The following RWDD2A variants were observed in gnomAD, a reference collection of about 807,000 sequenced individuals.
RWDD2A encodes RWD domain containing 2A.
Under a neutral mutation model 23.1 loss-of-function variants are expected in RWDD2A, and 15 were observed. That is an observed-to-expected ratio of 0.65 (90% CI 0.43 to 1.00). The LOEUF (loss-of-function observed/expected upper bound fraction) is 1.00. Ranked by LOEUF, RWDD2A falls within the 50% of genes least tolerant of loss-of-function variation. The pLI is 0.00. For synonymous variants in RWDD2A, 103 were observed against 123.0 expected, an observed-to-expected ratio of 0.84 and a Z score of 1.08; for missense variants, 310 against 341.7, an observed-to-expected ratio of 0.91 and a Z score of 0.73.
At position 83,193,394 on chromosome 6, in the gene RWDD2A, T is replaced by C. The variant is rs1239262221; in HGVS notation, c.-190T>C. On this transcript the variant is annotated 5_prime_UTR_variant, in exon 1 of 3. Transcript: ENST00000369724. ...CAGCTGGCGCCTGAGGAACTGCGGCTGCGGTTCCGAGCGGGGTCTGGGGCT... is the reference window on the plus strand; with the variant it reads ...CAGCTGGCGCCTGAGGAACTGCGGCCGCGGTTCCGAGCGGGGTCTGGGGCT... The C allele has an allele frequency of 6.6e-6, 1 of 152,274 alleles. No individual in the cohort carries two copies. The highest frequency in any genetic ancestry group is 1.5e-5 in the Non-Finnish European group (1 of 68,086). The allele number at this position is 152,274 out of a possible 1,614,324, so 9.4% of individuals were successfully genotyped here. A position where few individuals can be genotyped will look rare whatever the true frequency, so the allele number is the denominator to read the frequency against.
chr6:83,195,775 C>T lies in RWDD2A; in HGVS notation c.382C>T (p.Gln128Ter). 1 of 1,614,140 alleles carries T rather than the reference C, an allele frequency of 6.2e-7. No homozygotes were observed. The highest frequency in any genetic ancestry group is 1.1e-5 in the South Asian group (1 of 91,084). The change falls in exon 3 of 3, where the codon CAG (glutamine) becomes TAG (stop). Residue 128 changes from glutamine to a stop codon, truncating the protein, a stop_gained. Transcript: ENST00000369724. LOFTEE classifies it high-confidence loss of function. ...LCVCAAIQWL[Q>*]DNSASYFLNR... ...TGTATGTGCAGCAATCCAGTGGCTA[C>T]AGGACAACAGTGCATCTTATTTCCT... is the stretch of plus-strand genomic sequence containing the variant.
rs1278720445 is a variant in RWDD2A, at chr6:83,195,728, C to T, written c.335C>T (p.Thr112Ile). The T allele has an allele frequency of 1.2e-6, 2 of 1,614,170 alleles. No homozygotes were observed. The highest frequency in any genetic ancestry group is 8.5e-7 in the Non-Finnish European group (1 of 1,180,036). The stretch of plus-strand genomic sequence containing the variant: ...AAAGGTCTCACTTCTTACATAGGGA[C>T]TTTTGATCCAGGTGAGCTCTGTGTA... ...LNKGLTSYIG[T>I]FDPGELCVCA... Residue 112 changes from threonine to isoleucine, a missense_variant, in exon 3 of 3, where the codon ACT becomes ATT. By Grantham distance (89) the Thr-to-Ile change is moderately conservative (BLOSUM62 -1). Transcript: ENST00000369724.
rs373019481 is a variant in RWDD2A at position 83,196,053 on chromosome 6, C to T, written c.660C>T (p.Ser220=). ...TIRYPNWKHI[S]CKHAESVETE... is the part of the protein sequence containing the mutation. ...GGTACCCCAATTGGAAGCACATTTC[C>T]TGTAAGCATGCTGAAAGCGTGGAGA... is the stretch of plus-strand genomic sequence containing the variant. Residue 220 remains serine (S), a synonymous_variant, in exon 3 of 3, where the codon TCC becomes TCT. Transcript: ENST00000369724. 1.2e-6 allele frequency: 2 copies of T among 1,613,748 alleles called. No individual in the cohort carries two copies. Among genetic ancestry groups the T allele is most frequent in the African/African-American group, 2.7e-5 (2 of 75,044 alleles).
intron 2 of RWDD2A, 77 bp downstream of exon 2, chr6:83,194,729 G>A (rs1789488986): frequency 9.3e-7 from 1 of 1,077,692 alleles, no homozygotes; most frequent in Non-Finnish European, 1.4e-6. Context: ...TTTCTGTCAA[G>A]GAAAGATAGA....
chr6:83,195,720 C>T lies in RWDD2A; in HGVS notation c.327C>T (p.Tyr109=). The T allele has an allele frequency of 6.2e-7, 1 of 1,614,200 alleles. No individual in the cohort carries two copies. Among genetic ancestry groups the T allele is most frequent in the East Asian group, 2.2e-5 (1 of 44,880 alleles). Residue 109 remains tyrosine (Y), a synonymous_variant, in exon 3 of 3, where the codon TAC becomes TAT. Transcript: ENST00000369724. ...QLLLNKGLTS[Y]IGTFDPGELC... is the part of the protein sequence containing the mutation. ...TTCTCAACAAAGGTCTCACTTCTTACATAGGGACTTTTGATCCAGGTGAGC... is the reference window on the plus strand; with the variant it reads ...TTCTCAACAAAGGTCTCACTTCTTATATAGGGACTTTTGATCCAGGTGAGC...
rs1403282211 is a variant in RWDD2A at position 83,194,762 on chromosome 6, T to G, written c.201+110T>G. ...AGAAATATTCCAGGTGCATATTTCC[T>G]TGTTTGAAAGATACGGAATGCTCTA... On this transcript the variant is annotated intron_variant, in intron 2 of 2. Transcript: ENST00000369724. 3.7e-6 allele frequency: 3 copies of G among 805,516 alleles called. No individual in the cohort carries two copies. In the East Asian group the frequency reaches 7.8e-5, roughly 21 times the overall value. The allele number at this position is 805,516 out of a possible 1,614,324, so 49.9% of individuals were successfully genotyped here.
chr6:83,195,412 C>T lies in RWDD2A; in HGVS notation c.202-183C>T, dbSNP rs138314006. The T allele has an allele frequency of 8.1e-4, 494 of 612,260 alleles. 2 individuals carry two copies. In the East Asian group the frequency reaches 0.014, roughly 17 times the overall value. 37.9% of individuals were successfully genotyped at this position (612,260 alleles called of 1,614,324 possible). On this transcript the variant is annotated intron_variant, in intron 2 of 2. Coordinates refer to ENST00000369724, the MANE Select transcript of RWDD2A (RefSeq NM_033411.5). Reference sequence around the variant, plus strand: ...TCACTTTTTTATCCCAGCACAAGGGCACCTGGCACACGTAGTTGTTCAATA... The same window carrying T: ...TCACTTTTTTATCCCAGCACAAGGGTACCTGGCACACGTAGTTGTTCAATA...
At chr6:83,194,734 G>T (rs1408984272) in intron 2 of RWDD2A, 82 bp downstream of exon 2, 1 of 1,031,990 alleles carries the variant, frequency 9.7e-7, no homozygotes, top group Admixed American at 2.2e-5. Flanking sequence ...GTCAAGGAAA[G>T]ATAGAAATAT....
Position 83,197,286 on chromosome 6 carries a change from T to C in RWDD2A, c.*1014T>C, listed in dbSNP as rs1192166427. On this transcript the variant is annotated 3_prime_UTR_variant, in exon 3 of 3. Coordinates refer to ENST00000369724, the MANE Select transcript of RWDD2A (RefSeq NM_033411.5). The stretch of plus-strand genomic sequence containing the variant: ...ATTACTATAAAGGGCAAGAGACTGT[T>C]GAGGGGACCAGTGTGGATATCTGCA... The C allele has an allele frequency of 6.6e-6, 1 of 152,184 alleles. No individual in the cohort carries two copies. The highest frequency in any genetic ancestry group is 1.5e-5 in the Non-Finnish European group (1 of 68,040). The allele number at this position is 152,184 out of a possible 1,614,324, so 9.4% of individuals were successfully genotyped here. A position where few individuals can be genotyped will look rare whatever the true frequency, so the allele number is the denominator to read the frequency against.
chr6:83,195,382 T>G (rs1163099113), intron 2 of RWDD2A, among the ~76,000 whole-genome samples: 4 of 152,200 alleles, frequency 2.6e-5, no homozygotes, highest in African/African-American at 7.2e-5. Context: ...TAGTGTCTGG[T>G]TTATTCACTT....
In RWDD2A at chr6:83,196,306, C is replaced by G. The variant is rs763958832; in HGVS notation, c.*34C>G. ...TAAGAGGCCTATGCCTGTAATTTCA[C>G]TAAGTCAGTATTTCTGTTAATAAGA... On this transcript the variant is annotated 3_prime_UTR_variant, in exon 3 of 3. Coordinates refer to ENST00000369724, the MANE Select transcript of RWDD2A (RefSeq NM_033411.5). 5 of 1,472,732 alleles carry G rather than the reference C, an allele frequency of 3.4e-6. No individual in the cohort carries two copies. In the African/African-American group the frequency reaches 7.1e-5, roughly 21 times the overall value. The allele number at this position is 1,472,732 out of a possible 1,614,324, so 91.2% of individuals were successfully genotyped here.
At position 83,194,923 on chromosome 6, in the gene RWDD2A, C is replaced by T. The variant is rs1789501482; in HGVS notation, c.201+271C>T. On this transcript the variant is annotated intron_variant, in intron 2 of 2. Coordinates refer to ENST00000369724, the MANE Select transcript of RWDD2A (RefSeq NM_033411.5). The stretch of plus-strand genomic sequence containing the variant: ...TTTGTTCACCCATCCAGTTGGACTA[C>T]CTTTCACATGTATCATGATTTTCAT... Among the ~76,000 whole-genome samples, 3 of 152,204 alleles carry T rather than the reference C, an allele frequency of 2.0e-5. No individual in the cohort carries two copies. The South Asian group carries it at 6.2e-4, about 31-fold the overall frequency.
In RWDD2A at chr6:83,194,480, A is replaced by C. The variant is rs928394962; in HGVS notation, c.29A>C (p.Gln10Pro). ...TCTGCTTCGGTGAAAGAAAGCCTTC[A>C]GCTTCAGCTACTGGAGATGGAAATG... Reference protein sequence around the residue: MSASVKESLQLQLLEMEMLF... With the variant: MSASVKESLPLQLLEMEMLF... Residue 10 changes from glutamine (Q) to proline (P), a missense_variant, in exon 2 of 3, where the codon CAG becomes CCG. By Grantham distance (76) the Gln-to-Pro change is moderately conservative. Transcript: ENST00000369724. 1.2e-6 allele frequency: 2 copies of C among 1,613,900 alleles called. No homozygotes were observed. Among genetic ancestry groups the C allele is most frequent in the African/African-American group, 2.7e-5 (2 of 74,878 alleles).
In RWDD2A at chr6:83,196,269, A is replaced by C. The variant is rs768923900; in HGVS notation, c.876A>C (p.Ser292=). 1.9e-6 allele frequency: 3 copies of C among 1,542,000 alleles called. No individual in the cohort carries two copies. The highest frequency in any genetic ancestry group is 4.5e-5 in the East Asian group (2 of 44,322). ...GTATTGAAAGCAAAAGTTCAGACTCATAAAAAGCGATTAAGAGGCCTATGC... is the reference window on the plus strand; with the variant it reads ...GTATTGAAAGCAAAAGTTCAGACTCCTAAAAAGCGATTAAGAGGCCTATGC... The part of the protein sequence containing the change: ...LFGIESKSSD[S] The change falls in exon 3 of 3, where the codon TCA becomes TCC. Residue 292 remains serine, a synonymous_variant. Coordinates refer to ENST00000369724, the MANE Select transcript of RWDD2A (RefSeq NM_033411.5).
Position 83,195,684 on chromosome 6 carries a change from T to G in RWDD2A, c.291T>G (p.His97Gln), listed in dbSNP as rs1424668695. The change falls in exon 3 of 3, where the codon CAT (histidine) becomes CAG (glutamine). Residue 97 changes from histidine to glutamine, a missense_variant. Coordinates refer to ENST00000369724, the MANE Select transcript of RWDD2A (RefSeq NM_033411.5). ...GACGGTCATCTGAACTTGACAGACA[T>G]CAGCAGCTACTTCTCAACAAAGGTC... ...LFGRSSELDRHQQLLLNKGLT... is the reference protein window; with the variant it reads ...LFGRSSELDRQQQLLLNKGLT... The G allele has an allele frequency of 1.2e-6, 2 of 1,614,100 alleles. No homozygotes were observed. Among genetic ancestry groups the G allele is most frequent in the Non-Finnish European group, 1.7e-6 (2 of 1,180,050 alleles).
At position 83,196,231 on chromosome 6, in the gene RWDD2A, C is replaced by A; in HGVS notation, c.838C>A (p.Gln280Lys). The A allele has an allele frequency of 6.3e-7, 1 of 1,595,414 alleles. No individual in the cohort carries two copies. Among genetic ancestry groups the A allele is most frequent in the South Asian group, 1.1e-5 (1 of 87,004 alleles). The change falls in exon 3 of 3, where the codon CAG becomes AAG. Residue 280 changes from glutamine to lysine, a missense_variant. Gln to Lys is a moderately conservative substitution (Grantham distance 53). Coordinates refer to ENST00000369724, the MANE Select transcript of RWDD2A (RefSeq NM_033411.5). Reference sequence around the variant, plus strand: ...GAAGCACAAAAGTGAGCATGTTTTTCAGATACTATTTGGTATTGAAAGCAA... The same window carrying A: ...GAAGCACAAAAGTGAGCATGTTTTTAAGATACTATTTGGTATTGAAAGCAA... Reference protein sequence around the residue: ...LKKHKSEHVFQILFGIESKSS... With the variant: ...LKKHKSEHVFKILFGIESKSS...
intron 2 of RWDD2A, among the ~76,000 whole-genome samples, chr6:83,195,249 A>G (rs1011246038): frequency 6.6e-6 from 1 of 152,200 alleles, no homozygotes; most frequent in Non-Finnish European, 1.5e-5. Context: ...ACACACTTCA[A>G]TGGAACCCTC....
At position 83,198,788 on chromosome 6, in the gene RWDD2A, C is replaced by T. The variant is rs1386098914; in HGVS notation, c.*2516C>T. ...CATCTTCCCTTTTGTTGTCGGAAAT[C>T]AGAATCAGTCTCTATTGCTTGTAAC... On this transcript the variant is annotated 3_prime_UTR_variant, in exon 3 of 3. Transcript: ENST00000369724. 6.6e-6 allele frequency: 1 copy of T among 152,210 alleles called. No homozygotes were observed. Among genetic ancestry groups the T allele is most frequent in the Non-Finnish European group, 1.5e-5 (1 of 68,036 alleles). The allele number at this position is 152,210 out of a possible 1,614,324, so 9.4% of individuals were successfully genotyped here.
Position 83,196,201 on chromosome 6 carries a change from C to T in RWDD2A, c.808C>T (p.Leu270Phe), listed in dbSNP as rs1397316419. The change falls in exon 3 of 3, where the codon CTC (leucine) becomes TTC (phenylalanine). Residue 270 changes from leucine (L) to phenylalanine (F), a missense_variant. Transcript: ENST00000369724. ...HMNLGQFLEF[L>F]KKHKSEHVFQ... ...GAATCTGGGCCAATTCTTAGAATTT[C>T]TCAAGAAGCACAAAAGTGAGCATGT... 1 of 1,607,640 alleles carries T rather than the reference C, an allele frequency of 6.2e-7. No individual in the cohort carries two copies. Among genetic ancestry groups the T allele is most frequent in the Non-Finnish European group, 8.5e-7 (1 of 1,177,986 alleles).
Sources: allele counts gnomAD v4.1 joint callset (sites outside exome capture counted in the v4.1 genomes callset), GRCh38; gene constraint gnomAD v4.1.1; transcripts MANE v1.5; gene names NCBI Gene and HGNC (gene_info 2026-07-23, HGNC 2026-07-21).